IKBKB-DT: variants seen among roughly 807,000 people sequenced by gnomAD.
The protein encoded by IKBKB-DT is IKBKB antisense RNA.
At chr8:42,240,454 C>T (rs1383695907) in intron 3 of IKBKB-DT, among the ~76,000 whole-genome samples, 1 of 150,790 alleles carries the variant, frequency 6.6e-6, no homozygotes, top group Non-Finnish European at 1.5e-5. Flanking sequence ...GAAACCCTGT[C>T]TCTACTAAAA....
At chr8:42,242,143 A>G (rs1807012567) in intron 3 of IKBKB-DT, among the ~76,000 whole-genome samples, 1 of 152,206 alleles carries the variant, frequency 6.6e-6, no homozygotes, top group South Asian at 2.1e-4. Flanking sequence ...TGAACCCAGA[A>G]GGCAGAGGTT....
chr8:42,264,405 C>T (rs1424628215), intron 2 of IKBKB-DT, among the ~76,000 whole-genome samples: 1 of 152,034 alleles, frequency 6.6e-6, no homozygotes, highest in Non-Finnish European at 1.5e-5. Flanking sequence ...ATCCTCCTGC[C>T]TGGGCTTCCC....
intron 1 of IKBKB-DT, among the ~76,000 whole-genome samples, chr8:42,269,121 G>A (rs1172736518): frequency 6.6e-6 from 1 of 151,126 alleles, no homozygotes; most frequent in African/African-American, 2.4e-5. Context: ...TTCAAGCCAA[G>A]TCTGAGCAAC....
intron 3 of IKBKB-DT, among the ~76,000 whole-genome samples, chr8:42,240,511 G>A (rs1806987171): frequency 6.7e-6 from 1 of 150,144 alleles, no homozygotes; most frequent in African/African-American, 2.5e-5. Context: ...TGTAGTCCCA[G>A]CTATTTGGGA....
chr8:42,248,673 G>C (rs2129914181), intron 3 of IKBKB-DT, among the ~76,000 whole-genome samples: 1 of 152,200 alleles, frequency 6.6e-6, no homozygotes, highest in East Asian at 1.9e-4. Context: ...GAGGTCAGGA[G>C]TTCGAGGCCA....
In IKBKB-DT at chr8:42,236,839, T is replaced by C. The variant is rs565032211; in HGVS notation, n.1530-2980A>G. Among the ~76,000 whole-genome samples the C allele has an allele frequency of 4.6e-5, 7 of 152,234 alleles. No individual in the cohort carries two copies. The South Asian group carries it at 1.5e-3, about 32-fold the overall frequency. ...AAGTGAAAAAAATTTCAAGAGCAAA[T>C]ACAAAAACTAACATAGCCTTTTAAA... On this transcript the variant is annotated intron_variant and non_coding_transcript_variant, in intron 3 of 3. Transcript: ENST00000518213.
At chr8:42,259,591 A>G (rs901082390) in intron 3 of IKBKB-DT, among the ~76,000 whole-genome samples, 23 of 152,190 alleles carry the variant, frequency 1.5e-4, no homozygotes, top group African/African-American at 5.5e-4. Context: ...AATCATTGTT[A>G]AAAGCTCATT....
chr8:42,255,811 G>A (rs1375791033), intron 3 of IKBKB-DT, among the ~76,000 whole-genome samples: 3 of 151,862 alleles, frequency 2.0e-5, no homozygotes, highest in Non-Finnish European at 4.4e-5. Context: ...GGATCACGAG[G>A]TCAGGAGTTC....
rs774065371 is a variant in IKBKB-DT at position 42,239,632 on chromosome 8, ATATT to A, written n.1530-5777_1530-5774del. Among the ~76,000 whole-genome samples the A allele has an allele frequency of 5.0e-3, 432 of 86,722 alleles. 8 individuals are homozygous for A. Among genetic ancestry groups the A allele is most frequent in the Non-Finnish European group, 6.9e-3 (302 of 44,084 alleles). The allele number at this position is 86,722 out of a possible 152,430, so 56.9% of individuals were successfully genotyped here. On this transcript the variant is annotated intron_variant and non_coding_transcript_variant, in intron 3 of 3. Coordinates refer to ENST00000518213, the Ensembl canonical transcript of IKBKB-DT. The stretch of plus-strand genomic sequence containing the variant: ...AGGCAATTTATATATATATATATAT[ATATT>A]TATTTATTTATTCATTTTTTTTTTT...
At chr8:42,267,283 C>A (rs1807386962) in intron 1 of IKBKB-DT, among the ~76,000 whole-genome samples, 1 of 152,146 alleles carries the variant, frequency 6.6e-6, no homozygotes, top group Non-Finnish European at 1.5e-5. Context: ...CAGGAGTGAG[C>A]CACCATGCCT....
At chr8:42,269,875 C>G (rs1585474777) in intron 1 of IKBKB-DT, among the ~76,000 whole-genome samples, 1 of 152,118 alleles carries the variant, frequency 6.6e-6, no homozygotes, top group Admixed American at 6.6e-5. Context: ...CGCCTGTCCC[C>G]CTGCTATTAC....
At chr8:42,238,024 CAAAAAAAAAAAAAAAAAAA>C (rs35087510) in intron 3 of IKBKB-DT, among the ~76,000 whole-genome samples, 2 of 35,230 alleles carry the variant, frequency 5.7e-5, no homozygotes, top group Non-Finnish European at 8.4e-5. Flanking sequence ...GGCCCTCTCT[CAAAAAAAAAAAAAAAAAAA>C]AAAAAAAAAA....
Position 42,239,614 on chromosome 8 carries a change from T to TTATA in IKBKB-DT, n.1530-5759_1530-5756dup, listed in dbSNP as rs113469700. 6.3e-3 allele frequency among the ~76,000 whole-genome samples: 125 copies of TTATA among 19,918 alleles called. 14 individuals are homozygous for TTATA. Among genetic ancestry groups the TTATA allele is most frequent in the Admixed American group, 8.3e-3 (10 of 1,212 alleles). The allele number at this position is 19,918 out of a possible 152,430, so 13.1% of individuals were successfully genotyped here. A position where few individuals can be genotyped will look rare whatever the true frequency, so the allele number is the denominator to read the frequency against. On this transcript the variant is annotated intron_variant and non_coding_transcript_variant, in intron 3 of 3. Transcript: ENST00000518213. ...CCAACCAATTTTTGTAAAAGGCAATTTATATATATATATATATATATTTAT... is the reference window on the plus strand; with the variant it reads ...CCAACCAATTTTTGTAAAAGGCAATTTATATATATATATATATATATATATTTAT...
exon 1 of IKBKB-DT, chr8:42,270,770 A>C (rs748460709): frequency 6.6e-6 from 1 of 152,624 alleles, no homozygotes. Flanking sequence ...CGGTTTCCTC[A>C]TGTCACCGGG....
intron 3 of IKBKB-DT, among the ~76,000 whole-genome samples, chr8:42,234,741 T>A (rs1196839125): frequency 6.6e-6 from 1 of 152,166 alleles, no homozygotes; most frequent in Admixed American, 6.5e-5. Context: ...GCAATTTTCG[T>A]GCCTCAGCCT....
At chr8:42,244,562 T>A (rs749349835) in intron 3 of IKBKB-DT, among the ~76,000 whole-genome samples, 7 of 152,198 alleles carry the variant, frequency 4.6e-5, no homozygotes, top group Non-Finnish European at 1.0e-4. Context: ...TTTTTTTTAA[T>A]TTTTAGAGAT....
At chr8:42,268,342 G>A (rs1300087170) in intron 1 of IKBKB-DT, among the ~76,000 whole-genome samples, 3 of 151,360 alleles carry the variant, frequency 2.0e-5, no homozygotes, top group Non-Finnish European at 4.4e-5. Flanking sequence ...TCACCATATT[G>A]GCCAGGATGG....
intron 3 of IKBKB-DT, among the ~76,000 whole-genome samples, chr8:42,236,216 G>C: frequency 6.6e-6 from 1 of 150,904 alleles, no homozygotes; most frequent in South Asian, 2.1e-4. Flanking sequence ...GCACAGGCTG[G>C]TCTTGAACTC....
Position 42,260,109 on chromosome 8 carries a change from G to A in IKBKB-DT, n.1529+3220C>T, listed in dbSNP as rs369375011. On this transcript the variant is annotated intron_variant and non_coding_transcript_variant, in intron 3 of 3. Transcript: ENST00000518213. Reference sequence around the variant, plus strand: ...GAGGTTGTAGGGGAGCCAGAGTCGGGAGATCTCAAGTTCCCCAAAGAAGCC... The same window carrying A: ...GAGGTTGTAGGGGAGCCAGAGTCGGAAGATCTCAAGTTCCCCAAAGAAGCC... Among the ~76,000 whole-genome samples, 3 of 152,146 alleles carry A rather than the reference G, an allele frequency of 2.0e-5. No homozygotes were observed. In the South Asian group the frequency reaches 6.2e-4, roughly 32 times the overall value.
Sources: gnomAD v4.1 joint callset for allele counts (sites outside exome capture counted in the v4.1 genomes callset) on GRCh38, gnomAD v4.1.1 for gene constraint, MANE v1.5 for transcripts, NCBI Gene and HGNC (gene_info 2026-07-23, HGNC 2026-07-21) for gene names.